Variants in COL4A2 observed in about 807,000 individuals in gnomAD.
COL4A2 encodes collagen alpha-2(IV) chain.
Under a neutral mutation model 200.2 loss-of-function variants are expected in COL4A2, and 99 were observed. That is an observed-to-expected ratio of 0.49 (90% confidence interval 0.42 to 0.58). COL4A2 has a LOEUF of 0.58. Among genes scored for constraint, COL4A2 ranks in the 20% least tolerant of loss-of-function variants. The pLI, the probability that COL4A2 is intolerant of heterozygous loss-of-function variation, is 0.00. For missense variants in COL4A2, 1,950 were observed against 2,314.1 expected (o/e 0.84, Z 3.23); for synonymous variants, 897 against 900.6 (o/e 1.00, Z 0.07).
chr13:110,433,271 G>A (rs1394555233), intron 11 of COL4A2, among the ~76,000 whole-genome samples: 1 of 152,268 alleles, frequency 6.6e-6, no homozygotes, highest in Non-Finnish European at 1.5e-5. Flanking sequence ...TGGGCCCCAG[G>A]CCAAGAGCAG....
intron 4 of COL4A2, among the ~76,000 whole-genome samples, chr13:110,417,195 T>A (rs1246136041): frequency 6.6e-6 from 1 of 152,160 alleles, no homozygotes; most frequent in African/African-American, 2.4e-5. Flanking sequence ...TGGCCAGTGA[T>A]CCGCCTGCCT....
rs927844202 is a variant in COL4A2, at chr13:110,438,019, G to A, written c.843G>A (p.Glu281=). ...CTTCACAGGGTGAAAAAGGCAGTGA[G>A]GGGGAACCAGGAATAAGAGTAAGTC... ...PDQYKGEKGS[E]GEPGIRGISL... The change falls in exon 14 of 48, where the codon GAG becomes GAA. Residue 281 remains glutamate (E), a synonymous_variant. Coordinates refer to ENST00000360467, the MANE Select transcript of COL4A2 (RefSeq NM_001846.4). 5 of 1,613,330 alleles carry A rather than the reference G, an allele frequency of 3.1e-6. No individual in the cohort carries two copies. Among genetic ancestry groups the A allele is most frequent in the Middle Eastern group, 1.7e-4 (1 of 6,058 alleles).
At chr13:110,377,120 T>C (rs1044064917) in intron 4 of COL4A2, among the ~76,000 whole-genome samples, 1 of 151,106 alleles carries the variant, frequency 6.6e-6, no homozygotes, top group African/African-American at 2.4e-5. Flanking sequence ...GAGTGTCTTA[T>C]ACACCTGAAA....
intron 20 of COL4A2, among the ~76,000 whole-genome samples, chr13:110,454,829 G>A (rs771757809): frequency 9.9e-5 from 15 of 151,996 alleles, no homozygotes; most frequent in Non-Finnish European, 1.6e-4. Flanking sequence ...CCGTTAACTC[G>A]ACACAGAGTC....
rs371787103 is a variant in COL4A2 at position 110,502,149 on chromosome 13, G to A, written c.3877+365G>A. On this transcript the variant is annotated intron_variant, in intron 41 of 47. Transcript: ENST00000360467. ...GAGCTGAATATTGGAAAGAGATGGC[G>A]TAAAGATGAAGTCACCCGTCAAACA... Among the ~76,000 whole-genome samples the A allele has an allele frequency of 4.6e-5, 7 of 152,312 alleles. No homozygotes were observed. In the East Asian group the frequency reaches 5.8e-4, roughly 13 times the overall value.
chr13:110,408,472 C>T (rs34402154), intron 4 of COL4A2, among the ~76,000 whole-genome samples: 34,950 of 152,154 alleles, frequency 0.23, 4,274 homozygotes, highest in Middle Eastern at 0.26. Flanking sequence ...TTGGCTTCAC[C>T]GTCGGCTGGC....
intron 22 of COL4A2, 118 bp from the exon 23 acceptor site, chr13:110,461,996 C>T (rs1182222275): frequency 1.0e-5 from 15 of 1,463,822 alleles, no homozygotes; most frequent in East Asian, 4.9e-5. Flanking sequence ...GGGTGGCGCT[C>T]GGTTTGGTGA....
intron 3 of COL4A2, among the ~76,000 whole-genome samples, chr13:110,331,686 C>A (rs943650069): frequency 6.6e-6 from 1 of 152,158 alleles, no homozygotes; most frequent in Non-Finnish European, 1.5e-5. Flanking sequence ...AACACCGACT[C>A]AAAACCACCA....
chr13:110,424,413 A>C (rs1880380811), intron 4 of COL4A2, among the ~76,000 whole-genome samples: 2 of 66,776 alleles, frequency 3.0e-5, no homozygotes, highest in South Asian at 1.0e-3. Context: ...TCATTTGGAA[A>C]ATTTTTTATA....
In COL4A2 at chr13:110,480,302, A is replaced by G; in HGVS notation, c.2670A>G (p.Gly890=). The part of the protein sequence containing the change: ...VGMKGLSGDR[G]DAGFTGEQGH... ...TGAAAGGTCTCTCTGGTGACAGAGG[A>G]GATGCTGGCTTCACAGGGGAGCAAG... The change falls in exon 31 of 48, where the codon GGA becomes GGG. Residue 890 remains glycine (G), a synonymous_variant. Transcript: ENST00000360467. The G allele has an allele frequency of 6.2e-7, 1 of 1,613,896 alleles. No homozygotes were observed. Among genetic ancestry groups the G allele is most frequent in the Non-Finnish European group, 8.5e-7 (1 of 1,179,904 alleles).
At chr13:110,325,932 C>T (rs1023370808) in intron 3 of COL4A2, among the ~76,000 whole-genome samples, 2 of 152,174 alleles carry the variant, frequency 1.3e-5, no homozygotes, top group Non-Finnish European at 2.9e-5. Context: ...TACAGGCGTG[C>T]GTCACCAGGC....
chr13:110,351,411 A>G (rs1402569004), intron 3 of COL4A2, among the ~76,000 whole-genome samples: 1 of 151,674 alleles, frequency 6.6e-6, no homozygotes, highest in Non-Finnish European at 1.5e-5. Context: ...GGCTTTCTCT[A>G]CCCTGCTCCT....
chr13:110,407,022 G>A (rs756952708), intron 4 of COL4A2, among the ~76,000 whole-genome samples: 2 of 152,286 alleles, frequency 1.3e-5, no homozygotes, highest in Admixed American at 6.5e-5. Context: ...CACCCCGATC[G>A]CCTCCTCAGG....
At position 110,504,219 on chromosome 13, in the gene COL4A2, G is replaced by T. The variant is rs1555333626; in HGVS notation, c.4357G>T (p.Gly1453Ter). The T allele has an allele frequency of 1.9e-6, 3 of 1,614,118 alleles. No homozygotes were observed. The highest frequency in any genetic ancestry group is 2.5e-6 in the Non-Finnish European group (3 of 1,180,026). ...TGTGTCTGCTGTTCCCGGCTTCCGGGGAGATGAAGGACCCATAGGCCACCA... is the reference window on the plus strand; with the variant it reads ...TGTGTCTGCTGTTCCCGGCTTCCGGTGAGATGAAGGACCCATAGGCCACCA... ...GGVSAVPGFR[G>*]DEGPIGHQGP... The change falls in exon 45 of 48, where the codon GGA becomes TGA. Residue 1453 changes from glycine (G) to a stop codon, truncating the protein, a stop_gained. Transcript: ENST00000360467. LOFTEE classifies it high-confidence loss of function.
intron 4 of COL4A2, among the ~76,000 whole-genome samples, chr13:110,384,606 C>T (rs969710577): frequency 2.6e-5 from 4 of 152,178 alleles, no homozygotes; most frequent in Middle Eastern, 3.2e-3. Context: ...GCCTGGCTGC[C>T]GCCTTCATTC....
chr13:110,472,161 G>A (rs1166598855), intron 28 of COL4A2, among the ~76,000 whole-genome samples: 2 of 66,384 alleles, frequency 3.0e-5, no homozygotes, highest in Non-Finnish European at 8.4e-5. Flanking sequence ...TGTCGCCCAG[G>A]CTGGAGTGCA....
At chr13:110,466,478 G>A (rs893792333) in intron 26 of COL4A2, among the ~76,000 whole-genome samples, 1 of 152,140 alleles carries the variant, frequency 6.6e-6, no homozygotes, top group Non-Finnish European at 1.5e-5. Flanking sequence ...TCTTGCAAGA[G>A]AGCCTCTTAG....
At chr13:110,408,588 T>C (rs1324351378) in intron 4 of COL4A2, among the ~76,000 whole-genome samples, 1 of 152,164 alleles carries the variant, frequency 6.6e-6, no homozygotes, top group African/African-American at 2.4e-5. Context: ...CTGGCCATCG[T>C]CGGGGTCATG....
chr13:110,509,182 A>G (rs1226328103), intron 47 of COL4A2, among the ~76,000 whole-genome samples: 2 of 149,290 alleles, frequency 1.3e-5, no homozygotes, highest in Non-Finnish European at 3.0e-5. Context: ...ATTTATATGC[A>G]TTATAACTGT....
Sources: gnomAD v4.1 joint callset for allele counts (sites outside exome capture counted in the v4.1 genomes callset) on GRCh38, gnomAD v4.1.1 for gene constraint, MANE v1.5 for transcripts, NCBI Gene and HGNC (gene_info 2026-07-23, HGNC 2026-07-21) for gene names.